Variants in PLXND1 observed in about 807,000 individuals in gnomAD.
PLXND1 encodes the protein plexin-D1.
PLXND1 carries 54 observed loss-of-function variants against 197.7 expected under a neutral mutation model. The ratio of observed to expected loss-of-function variants is 0.27; its 90% CI spans 0.22 to 0.34. The LOEUF is 0.34. PLXND1 is among the 10% of genes least tolerant of loss of function. The probability of loss-of-function intolerance (pLI) is 1.00; values close to 1 mark genes in which losing one functional copy is unlikely to be tolerated. For synonymous variants in PLXND1, 1,180 were observed against 1,161.2 expected, an observed-to-expected ratio of 1.02 and a Z score of -0.33; for missense variants, 2,127 against 2,699.2, an observed-to-expected ratio of 0.79 and a Z score of 4.70.
intron 2 of PLXND1, 35 bp downstream of exon 2, chr3:129,589,316 C>CCCCCCCCCCCCCCCCCCCCCCCCCCCA: frequency 4.4e-6 from 3 of 685,460 alleles, no homozygotes; most frequent in Non-Finnish European, 5.0e-6. Context: ...AGCCTCCCAC[C>CCCCCCCCCCCCCCCCCCCCCCCCCCCA]CCCACCCCCT....
At chr3:129,560,817 A>T in intron 29 of PLXND1, 94 bp from the exon 30 acceptor site, 1 of 807,084 alleles carries the variant, frequency 1.2e-6, no homozygotes, top group Non-Finnish European at 2.2e-6. Flanking sequence ...CAGAAACAAG[A>T]CAGAAAGATG....
intron 26 of PLXND1, 61 bp downstream of exon 26, chr3:129,563,032 TG>T: frequency 6.2e-7 from 1 of 1,611,244 alleles, no homozygotes; most frequent in Non-Finnish European, 8.5e-7. Context: ...AGAGGAAGGC[TG>T]GGTCAATGCC....
At position 129,605,301 on chromosome 3, in the gene PLXND1, C is replaced by T. The variant is rs1356440410; in HGVS notation, c.1311+28G>A. 6.7e-6 allele frequency: 8 copies of T among 1,198,008 alleles called. No individual in the cohort carries two copies. The African/African-American group carries it at 1.3e-4, about 19-fold the overall frequency. 74.2% of individuals were successfully genotyped at this position (1,198,008 alleles called of 1,614,324 possible). On this transcript the variant is annotated intron_variant, in intron 1 of 35. Transcript: ENST00000324093. Reference sequence around the variant, plus strand: ...CCCCCGCCCCCGCCGCCGCCGCCGCCGCCGCCGCCGCCACCGCCCGGGTGT... The same window carrying T: ...CCCCCGCCCCCGCCGCCGCCGCCGCTGCCGCCGCCGCCACCGCCCGGGTGT...
At chr3:129,585,231 G>A (rs2085442012) in intron 5 of PLXND1, among the ~76,000 whole-genome samples, 1 of 152,210 alleles carries the variant, frequency 6.6e-6, no homozygotes, top group African/African-American at 2.4e-5. Context: ...GGGCAGAGGA[G>A]CCCCAGATGC....
In PLXND1 at chr3:129,584,661, G is replaced by A. The variant is rs373407362; in HGVS notation, c.1852-99C>T. 5.4e-5 allele frequency: 62 copies of A among 1,143,746 alleles called. No individual in the cohort carries two copies. In the East Asian group the frequency reaches 9.0e-4, roughly 17 times the overall value. The allele number at this position is 1,143,746 out of a possible 1,614,324, so 70.8% of individuals were successfully genotyped here. A position where few individuals can be genotyped will look rare whatever the true frequency, so the allele number is the denominator to read the frequency against. ...ACCCAAGGTCTGGCACTGCCTGAAT[G>A]TCCCCTGGGGGAAGGGGTAGTGGTG... On this transcript the variant is annotated intron_variant, in intron 5 of 35. Coordinates refer to ENST00000324093, the MANE Select transcript of PLXND1 (RefSeq NM_015103.3).
chr3:129,562,136 G>A (rs1460838611), intron 27 of PLXND1, among the ~76,000 whole-genome samples: 4 of 152,294 alleles, frequency 2.6e-5, no homozygotes, highest in East Asian at 3.9e-4. Flanking sequence ...GCACAGAGGA[G>A]GAGCTCTGGA....
In PLXND1 at chr3:129,571,146, C is replaced by T. The variant is rs762790668; in HGVS notation, c.3494G>A (p.Gly1165Asp). ...ELLDPEEAQR[G>D]SRFRLDYLPN... ...GAGGTAGTCCAGGCGGAACCTGCTG[C>T]CCCGCTGTGCCTCCTCGGGGTCCAG... is the stretch of plus-strand genomic sequence containing the variant. The change falls in exon 18 of 36, where the codon GGC becomes GAC. Residue 1165 changes from glycine (G) to aspartate (D), a missense_variant. By Grantham distance (94) the Gly-to-Asp change is moderately conservative (BLOSUM62 -1). This residue lies in a region of PLXND1 where 532 missense variants were observed against 811.0 expected (regional missense o/e 0.66). Coordinates refer to ENST00000324093, the MANE Select transcript of PLXND1 (RefSeq NM_015103.3). 13 of 1,614,210 alleles carry T rather than the reference C, an allele frequency of 8.1e-6. No homozygotes were observed. Among genetic ancestry groups the T allele is most frequent in the African/African-American group, 1.3e-5 (1 of 75,056 alleles).
rs748790534 is a variant in PLXND1, at chr3:129,556,266, G to A, written c.*46C>T. 2 of 1,259,200 alleles carry A rather than the reference G, an allele frequency of 1.6e-6. No individual in the cohort carries two copies. Among genetic ancestry groups the A allele is most frequent in the East Asian group, 2.3e-5 (1 of 43,176 alleles). 78.0% of individuals were successfully genotyped at this position (1,259,200 alleles called of 1,614,324 possible). ...TAGAAGATCAAGTTGAGGCCCAGTG[G>A]GCGTCCATTTCTCCCAGCAGCAGCC... On this transcript the variant is annotated 3_prime_UTR_variant, in exon 36 of 36. Transcript: ENST00000324093.
At chr3:129,605,281 G>A in intron 1 of PLXND1, 48 bp downstream of exon 1, 4 of 277,850 alleles carry the variant, frequency 1.4e-5, no homozygotes, top group South Asian at 1.5e-4. Flanking sequence ...CCCCGCCCCC[G>A]CCCCCGCCGC....
In PLXND1 at chr3:129,605,307, C is replaced by T. The variant is rs1413070618; in HGVS notation, c.1311+22G>A. The T allele has an allele frequency of 5.6e-6, 7 of 1,241,062 alleles. No individual in the cohort carries two copies. The East Asian group carries it at 1.9e-4, about 34-fold the overall frequency. 76.9% of individuals were successfully genotyped at this position (1,241,062 alleles called of 1,614,324 possible). On this transcript the variant is annotated intron_variant, in intron 1 of 35. Transcript: ENST00000324093. ...CCCCCGCCGCCGCCGCCGCCGCCGC[C>T]GCCGCCACCGCCCGGGTGTACCTGG...
At chr3:129,569,591 T>C (rs2108773096) in intron 20 of PLXND1, 1 of 476,098 alleles carries the variant, frequency 2.1e-6, no homozygotes, top group Admixed American at 3.3e-5. Flanking sequence ...TCCAAATTTC[T>C]CTGCTTGAGA....
At position 129,558,708 on chromosome 3, in the gene PLXND1, T is replaced by C; in HGVS notation, c.5298-133A>G. 1 of 882,524 alleles carries C rather than the reference T, an allele frequency of 1.1e-6. No individual in the cohort carries two copies. Among genetic ancestry groups the C allele is most frequent in the Non-Finnish European group, 1.7e-6 (1 of 579,850 alleles). 54.7% of individuals were successfully genotyped at this position (882,524 alleles called of 1,614,324 possible). A position where few individuals can be genotyped will look rare whatever the true frequency, so the allele number is the denominator to read the frequency against. ...GAGCCTTGTCACAAGATGTGACCTT[T>C]GGGAACCTTAGTTTGCCTATCCCTG... On this transcript the variant is annotated intron_variant, in intron 32 of 35. Coordinates refer to ENST00000324093, the MANE Select transcript of PLXND1 (RefSeq NM_015103.3). The surrounding 1 kb of genome is among the most constrained non-coding windows in gnomAD (Gnocchi z 4.1).
rs964025676 is a variant in PLXND1, at chr3:129,557,601, G to C, written c.5446-378C>G. On this transcript the variant is annotated intron_variant, in intron 33 of 35. Transcript: ENST00000324093. The surrounding 1 kb of genome is among the most constrained non-coding windows in gnomAD (Gnocchi z 4.8). Reference sequence around the variant, plus strand: ...TGGTGGCTAGGATTCCTGGAAGCCTGAGTGCTGGCTCAGTGGAATATTTCC... The same window carrying C: ...TGGTGGCTAGGATTCCTGGAAGCCTCAGTGCTGGCTCAGTGGAATATTTCC... Among the ~76,000 whole-genome samples, 3 of 152,196 alleles carry C rather than the reference G, an allele frequency of 2.0e-5. No homozygotes were observed. Among genetic ancestry groups the C allele is most frequent in the African/African-American group, 7.2e-5 (3 of 41,436 alleles).
In PLXND1 at chr3:129,605,723, C is replaced by G; in HGVS notation, c.917G>C (p.Arg306Pro). Residue 306 changes from arginine (R) to proline (P), a missense_variant, in exon 1 of 36, where the codon CGC becomes CCC. Physicochemically the swap from Arg to Pro is moderately radical, Grantham distance 103 (BLOSUM62 -2). Coordinates refer to ENST00000324093, the MANE Select transcript of PLXND1 (RefSeq NM_015103.3). ...CGCCTGGCTCTCCTTGTCGCCCGCGCGCGCCTCGCTGTTGAGCGCCAGGTA... is the reference window on the plus strand; with the variant it reads ...CGCCTGGCTCTCCTTGTCGCCCGCGGGCGCCTCGCTGTTGAGCGCCAGGTA... ...YAYLALNSEARAGDKESQARS... is the reference protein window; with the variant it reads ...YAYLALNSEAPAGDKESQARS... The G allele has an allele frequency of 6.5e-7, 1 of 1,541,736 alleles. No homozygotes were observed. The highest frequency in any genetic ancestry group is 8.7e-7 in the Non-Finnish European group (1 of 1,145,100).
At position 129,589,469 on chromosome 3, in the gene PLXND1, A is replaced by T; in HGVS notation, c.1370T>A (p.Leu457Gln). 1 of 1,610,240 alleles carries T rather than the reference A, an allele frequency of 6.2e-7. No homozygotes were observed. Among genetic ancestry groups the T allele is most frequent in the Non-Finnish European group, 8.5e-7 (1 of 1,178,828 alleles). Reference protein sequence around the residue: ...AAHLQHPLSILQPLKATPVFR... With the variant: ...AAHLQHPLSIQQPLKATPVFR... ...CACGGGCGTGGCCTTCAGGGGCTGC[A>T]GGATGGACAGCGGGTGCTGCAGGTG... The change falls in exon 2 of 36, where the codon CTG becomes CAG. Residue 457 changes from leucine to glutamine, a missense_variant. By Grantham distance (113) the Leu-to-Gln change is moderately radical. Coordinates refer to ENST00000324093, the MANE Select transcript of PLXND1 (RefSeq NM_015103.3).
Position 129,586,048 on chromosome 3 carries a change from G to C in PLXND1, c.1755C>G (p.Ser585Arg). The change falls in exon 5 of 36, where the codon AGC (serine) becomes AGG (arginine). Residue 585 changes from serine (S) to arginine (R), a missense_variant. Ser to Arg is a moderately radical substitution (Grantham distance 110). Transcript: ENST00000324093. ...TGGCACTGGTCCAGAAATGCTGCTG[G>C]CTGGAATTGGTGCAGTCCTGCTGCA... Reference protein sequence around the residue: ...CTLQQDCTNSSQQHFWTSASE... With the variant: ...CTLQQDCTNSRQQHFWTSASE... 19 of 1,614,014 alleles carry C rather than the reference G, an allele frequency of 1.2e-5. No individual in the cohort carries two copies. The highest frequency in any genetic ancestry group is 1.6e-5 in the Non-Finnish European group (19 of 1,180,010).
intron 1 of PLXND1, among the ~76,000 whole-genome samples, chr3:129,592,292 T>G (rs952805911): frequency 2.0e-5 from 3 of 152,142 alleles, no homozygotes; most frequent in African/African-American, 4.8e-5. Context: ...AGAGGTGAGG[T>G]GGGATCCTCA....
intron 5 of PLXND1, 77 bp from the exon 6 acceptor site, chr3:129,584,639 C>G: frequency 7.2e-7 from 1 of 1,385,990 alleles, no homozygotes; most frequent in South Asian, 1.4e-5. Context: ...TGCACCAACC[C>G]AAGGTCTGGC....
intron 25 of PLXND1, among the ~76,000 whole-genome samples, chr3:129,565,039 C>T (rs1188404072): frequency 6.6e-6 from 1 of 152,234 alleles, no homozygotes. Context: ...TCTCCTGAAT[C>T]CAGAGCAGGG....
Sources: gnomAD v4.1 joint callset for allele counts (sites outside exome capture counted in the v4.1 genomes callset) on GRCh38, gnomAD v4.1.1 for gene constraint, gnomAD v4.1.1 regional missense constraint, Gnocchi (gnomAD v3.1) non-coding constraint, MANE v1.5 for transcripts, NCBI Gene and HGNC (gene_info 2026-07-23, HGNC 2026-07-21) for gene names.